The following RAI14 variants were observed in gnomAD, a reference collection of about 807,000 sequenced individuals.
RAI14 encodes the protein ankycorbin.
RAI14 carries 45 observed loss-of-function variants against 115.4 expected under a neutral mutation model. The ratio of observed to expected loss-of-function variants is 0.39; its 90% CI spans 0.31 to 0.50. RAI14 has a LOEUF of 0.50. Among genes scored for constraint, RAI14 ranks in the 20% least tolerant of loss-of-function variants. RAI14 has a pLI of 0.85. For synonymous variants in RAI14, 371 were observed against 415.4 expected, an observed-to-expected ratio of 0.89 and a Z score of 1.30; for missense variants, 939 against 1,131.2, an observed-to-expected ratio of 0.83 and a Z score of 2.44.
At chr5:34,696,161 C>T (rs1022974021) in intron 2 of RAI14, among the ~76,000 whole-genome samples, 11 of 151,776 alleles carry the variant, frequency 7.2e-5, no homozygotes, top group South Asian at 2.1e-4. Flanking sequence ...TTTTTTGAGA[C>T]GGAGTCTTGC....
intron 2 of RAI14, among the ~76,000 whole-genome samples, chr5:34,732,709 A>G (rs1744357670): frequency 6.6e-6 from 1 of 151,016 alleles, no homozygotes; most frequent in Admixed American, 6.6e-5. Context: ...AAGTGCTGGG[A>G]TTACAGGTGC....
At chr5:34,746,136 C>T (rs1436016545) in intron 2 of RAI14, among the ~76,000 whole-genome samples, 8 of 115,222 alleles carry the variant, frequency 6.9e-5, no homozygotes, top group East Asian at 3.0e-4. Context: ...GATGGAATCT[C>T]GCTCTGTCGC....
At chr5:34,828,482 A>G (rs1404384888) in intron 16 of RAI14, among the ~76,000 whole-genome samples, 2 of 152,136 alleles carry the variant, frequency 1.3e-5, no homozygotes, top group East Asian at 3.8e-4. Context: ...TGGGGAGGGA[A>G]CAACACAGAG....
At chr5:34,819,113 C>T (rs1406074295) in intron 13 of RAI14, among the ~76,000 whole-genome samples, 2 of 152,136 alleles carry the variant, frequency 1.3e-5, no homozygotes, top group Non-Finnish European at 2.9e-5. Flanking sequence ...GTTAGCAGTT[C>T]GTTCAATTAT....
intron 1 of RAI14, among the ~76,000 whole-genome samples, chr5:34,683,625 T>C (rs1317361493): frequency 6.6e-6 from 1 of 152,166 alleles, no homozygotes; most frequent in African/African-American, 2.4e-5. Flanking sequence ...ATCCAATATA[T>C]GGCCTTCTTT....
chr5:34,798,918 G>A (rs74818724), intron 4 of RAI14, among the ~76,000 whole-genome samples: 1 of 152,162 alleles, frequency 6.6e-6, no homozygotes, highest in Non-Finnish European at 1.5e-5. Context: ...CAGAGCTCCC[G>A]TCACTTCCTT....
intron 2 of RAI14, among the ~76,000 whole-genome samples, chr5:34,734,246 T>C (rs114511606): frequency 2.0e-5 from 3 of 152,172 alleles, no homozygotes; most frequent in Admixed American, 1.3e-4. Flanking sequence ...GTCAGTGAAC[T>C]GGGGGGGCTG....
intron 3 of RAI14, among the ~76,000 whole-genome samples, chr5:34,758,446 A>G (rs566070028): frequency 1.3e-5 from 2 of 152,358 alleles, no homozygotes; most frequent in East Asian, 3.9e-4. Context: ...AGGGATGTAT[A>G]CACACATACA....
chr5:34,708,180 C>T (rs904476020), intron 2 of RAI14, among the ~76,000 whole-genome samples: 5 of 150,816 alleles, frequency 3.3e-5, no homozygotes, highest in African/African-American at 1.2e-4. Flanking sequence ...ATAATAAAAC[C>T]TAAGTATAAG....
At position 34,796,026 on chromosome 5, in the gene RAI14, C is replaced by T. The variant is rs768347720; in HGVS notation, c.255C>T (p.Thr85=). ...HGVDVTAQDT[T]GHSALHLAAK... ...TGGATGTGACAGCCCAAGATACTAC[C>T]GGTATGTGGTTTTTAGTCTCTTAAG... The change falls in exon 4 of 18, where the codon ACC becomes ACT. Residue 85 remains threonine (T), a splice_region_variant and synonymous_variant. Coordinates refer to ENST00000265109, the MANE Select transcript of RAI14 (RefSeq NM_015577.3). 1.6e-5 allele frequency: 25 copies of T among 1,604,942 alleles called. No individual in the cohort carries two copies. The Admixed American group carries it at 2.8e-4, about 18-fold the overall frequency.
intron 7 of RAI14, 63 bp downstream of exon 7, chr5:34,808,717 C>A: frequency 4.1e-6 from 6 of 1,450,928 alleles, no homozygotes; most frequent in Non-Finnish European, 9.6e-7. Context: ...CAATGGGATA[C>A]CTCTAGAGTC....
At chr5:34,726,808 G>A (rs191830995) in intron 2 of RAI14, among the ~76,000 whole-genome samples, 3 of 152,186 alleles carry the variant, frequency 2.0e-5, no homozygotes, top group East Asian at 1.9e-4. Context: ...TTTGTGTTCC[G>A]CTATGATTGT....
intron 2 of RAI14, among the ~76,000 whole-genome samples, chr5:34,742,949 A>C (rs1055181356): frequency 6.6e-6 from 1 of 152,198 alleles, no homozygotes; most frequent in Non-Finnish European, 1.5e-5. Context: ...GGCATGAGCC[A>C]CTGTGCCCAG....
intron 2 of RAI14, among the ~76,000 whole-genome samples, chr5:34,703,687 T>G (rs1740350837): frequency 6.6e-6 from 1 of 152,182 alleles, no homozygotes; most frequent in African/African-American, 2.4e-5. Context: ...AAGAATATAC[T>G]ATGTGAGCAT....
intron 2 of RAI14, among the ~76,000 whole-genome samples, chr5:34,708,383 G>T (rs1740990921): frequency 6.6e-6 from 1 of 152,020 alleles, no homozygotes; most frequent in Non-Finnish European, 1.5e-5. Flanking sequence ...TCTATTTTTA[G>T]TAGAGACAGG....
intron 1 of RAI14, among the ~76,000 whole-genome samples, chr5:34,668,859 G>T (rs534875267): frequency 6.6e-6 from 1 of 151,642 alleles, no homozygotes; most frequent in Non-Finnish European, 1.5e-5. Flanking sequence ...AGGTAATTAG[G>T]TTCTTTTTTT....
intron 2 of RAI14, among the ~76,000 whole-genome samples, chr5:34,731,601 C>A (rs1744189422): frequency 6.6e-6 from 1 of 152,118 alleles, no homozygotes; most frequent in Non-Finnish European, 1.5e-5. Context: ...TTTCTGTTTC[C>A]CAGTTCCTGG....
At chr5:34,745,969 C>G (rs1028042350) in intron 2 of RAI14, among the ~76,000 whole-genome samples, 2 of 152,108 alleles carry the variant, frequency 1.3e-5, no homozygotes, top group African/African-American at 4.8e-5. Context: ...TTCCTCTTTA[C>G]TATTTCAGAG....
chr5:34,754,828 C>T (rs906884584), intron 2 of RAI14, among the ~76,000 whole-genome samples: 11 of 152,098 alleles, frequency 7.2e-5, no homozygotes, highest in Non-Finnish European at 1.0e-4. Flanking sequence ...CCATGTGGAA[C>T]GAATTTTAGG....
Sources: gnomAD v4.1 joint callset for allele counts (sites outside exome capture counted in the v4.1 genomes callset) on GRCh38, gnomAD v4.1.1 for gene constraint, MANE v1.5 for transcripts, NCBI Gene and HGNC (gene_info 2026-07-23, HGNC 2026-07-21) for gene names.